Variants in MAST1 observed in about 807,000 individuals in gnomAD.
The protein encoded by MAST1 is microtubule-associated serine/threonine-protein kinase 1.
MAST1 carries 40 observed loss-of-function variants against 124.6 expected under a neutral mutation model. The observed-to-expected ratio is 0.32, with a 90% CI of 0.25 to 0.42. The LOEUF (loss-of-function observed/expected upper bound fraction) is 0.42. Among genes scored for constraint, MAST1 ranks in the 10% least tolerant of loss-of-function variants. The probability of loss-of-function intolerance (pLI) is 1.00; values close to 1 mark genes in which losing one functional copy is unlikely to be tolerated. For missense variants in MAST1, 1,558 were observed against 2,181.9 expected (o/e 0.71, Z 5.70); for synonymous variants, 938 against 939.4 (o/e 1.00, Z 0.03).
In MAST1 at chr19:12,843,884, C is replaced by T. The variant is rs1292863643; in HGVS notation, c.327+277C>T. ...GGCGTGGTGGTGCACACCTGTGGTC[C>T]CCACTATTTGGGAGGCTGAGACGGG... On this transcript the variant is annotated intron_variant, in intron 4 of 25. Transcript: ENST00000251472. The surrounding 1 kb of genome is among the most constrained non-coding windows in gnomAD (Gnocchi z 4.9). 2.6e-5 allele frequency among the ~76,000 whole-genome samples: 4 copies of T among 152,056 alleles called. No individual in the cohort carries two copies. Among genetic ancestry groups the T allele is most frequent in the African/African-American group, 4.8e-5 (2 of 41,396 alleles).
At chr19:12,839,697 A>G (rs1180282406) in intron 1 of MAST1, among the ~76,000 whole-genome samples, 1 of 152,212 alleles carries the variant, frequency 6.6e-6, no homozygotes, top group Non-Finnish European at 1.5e-5. Flanking sequence ...GAAGGACAGT[A>G]TCGGACACAG....
chr19:12,867,772 G>T lies in MAST1; in HGVS notation c.2361G>T (p.Glu787Asp), dbSNP rs1159441555. The change falls in exon 20 of 26, where the codon GAG becomes GAT. Residue 787 changes from glutamate to aspartate, a missense_variant. Physicochemically the swap from Glu to Asp is conservative, Grantham distance 45. Around this residue, in one of 10 missense-constraint regions of MAST1, gnomAD observed 287 missense variants for 308.0 expected, o/e 0.93. Coordinates refer to ENST00000251472, the MANE Select transcript of MAST1 (RefSeq NM_014975.3). ...CCGAGGCCAGTTTCCTGGAGGGAGA[G>T]GCCAGTCCCCCTTTGGGCGCCCGCC... ...SASEASFLEG[E>D]ASPPLGARRR... is the part of the protein sequence containing the mutation. 1.9e-6 allele frequency: 3 copies of T among 1,556,332 alleles called. No individual in the cohort carries two copies. In the African/African-American group the frequency reaches 4.1e-5, roughly 21 times the overall value.
intron 22 of MAST1, among the ~76,000 whole-genome samples, chr19:12,870,492 C>CAAAA (rs36022150): frequency 4.0e-5 from 3 of 75,840 alleles, no homozygotes; most frequent in African/African-American, 1.4e-4. Flanking sequence ...GACTCCGTCT[C>CAAAA]AAAAAAAAAA....
In MAST1 at chr19:12,873,491, C is replaced by T. The variant is rs780297948; in HGVS notation, c.3431C>T (p.Thr1144Met). ...ARSPTHSYRS[T>M]PDSAYLGASS... ...TCGCCCACGCACAGCTACCGCTCCA[C>T]GCCTGACTCCGCCTACCTAGGTATT... The change falls in exon 25 of 26, where the codon ACG (threonine) becomes ATG (methionine). Residue 1144 changes from threonine to methionine, a missense_variant. This residue lies in a region of MAST1 where 291 missense variants were observed against 475.8 expected (regional missense o/e 0.61). Transcript: ENST00000251472. 4 of 1,605,050 alleles carry T rather than the reference C, an allele frequency of 2.5e-6. No homozygotes were observed. Among genetic ancestry groups the T allele is most frequent in the Non-Finnish European group, 3.4e-6 (4 of 1,178,232 alleles).
At chr19:12,873,579 C>T (rs753333912) in intron 25 of MAST1, 30 bp from the exon 26 acceptor site, 2 of 1,578,942 alleles carry the variant, frequency 1.3e-6, no homozygotes, top group Non-Finnish European at 1.7e-6. Context: ...TTGGGCTGTA[C>T]TCACTCGCTT....
At position 12,841,010 on chromosome 19, in the gene MAST1, C is replaced by A; in HGVS notation, c.192C>A (p.Ser64Arg). The stretch of plus-strand genomic sequence containing the variant: ...TCATAGGCAGCAGTCCCCTGGACAG[C>A]CCCCGAAACTTCTCCCCCAACACCC... ...PGHLGSSPLDSPRNFSPNTPA... is the reference protein window; with the variant it reads ...PGHLGSSPLDRPRNFSPNTPA... Residue 64 changes from serine to arginine, a missense_variant, in exon 3 of 26, where the codon AGC becomes AGA. Ser to Arg is a moderately radical substitution (Grantham distance 110). Transcript: ENST00000251472. This position sits in a 1 kb window ranked among gnomAD's most constrained non-coding sequence, Gnocchi z 4.3. 2.2e-6 allele frequency: 3 copies of A among 1,384,978 alleles called. No individual in the cohort carries two copies. Among genetic ancestry groups the A allele is most frequent in the African/African-American group, 1.4e-5 (1 of 70,936 alleles). 85.8% of individuals were successfully genotyped at this position (1,384,978 alleles called of 1,614,324 possible).
At chr19:12,844,186 T>C (rs1033026914) in intron 4 of MAST1, among the ~76,000 whole-genome samples, 2 of 152,188 alleles carry the variant, frequency 1.3e-5, no homozygotes, top group African/African-American at 2.4e-5. Flanking sequence ...GACATAAGGC[T>C]CTGTGAGTTA....
chr19:12,867,169 G>A (rs1374472808), intron 18 of MAST1, among the ~76,000 whole-genome samples: 1 of 152,206 alleles, frequency 6.6e-6, no homozygotes, highest in African/African-American at 2.4e-5. Context: ...ACTTGTAGAG[G>A]CGTGCAGGGC....
chr19:12,841,393 C>T lies in MAST1; in HGVS notation c.248+327C>T, dbSNP rs1969826304. Among the ~76,000 whole-genome samples, 3 of 152,374 alleles carry T rather than the reference C, an allele frequency of 2.0e-5. No homozygotes were observed. The South Asian group carries it at 6.2e-4, about 32-fold the overall frequency. On this transcript the variant is annotated intron_variant, in intron 3 of 25. Coordinates refer to ENST00000251472, the MANE Select transcript of MAST1 (RefSeq NM_014975.3). This position sits in a 1 kb window ranked among gnomAD's most constrained non-coding sequence, Gnocchi z 4.3. ...TTTCCATAGCAACAGGACGGGGCAGCCAAGATGACGTGCGCAAGCGCAGAT... is the reference window on the plus strand; with the variant it reads ...TTTCCATAGCAACAGGACGGGGCAGTCAAGATGACGTGCGCAAGCGCAGAT...
At chr19:12,868,015 C>T in intron 20 of MAST1, 38 bp downstream of exon 20, 2 of 1,510,030 alleles carry the variant, frequency 1.3e-6, no homozygotes, top group Non-Finnish European at 1.8e-6. Flanking sequence ...CAATCTTCCC[C>T]AATGTCCTAC....
rs766694390 is a variant in MAST1, at chr19:12,852,233, G to A, written c.995G>A (p.Arg332His). The change falls in exon 9 of 26, where the codon CGT becomes CAT. Residue 332 changes from arginine to histidine, a missense_variant. Around this residue, in one of 10 missense-constraint regions of MAST1, gnomAD observed 136 missense variants for 160.9 expected, o/e 0.85. Transcript: ENST00000251472. ...ATCATCCGCCAGCTGGGCCTCACCCGTGACCCCTTTCCAGGTGCCGGCTGG... is the reference window on the plus strand; with the variant it reads ...ATCATCCGCCAGCTGGGCCTCACCCATGACCCCTTTCCAGGTGCCGGCTGG... ...RYIIRQLGLTRDPFPDVVHLE... is the reference protein window; with the variant it reads ...RYIIRQLGLTHDPFPDVVHLE... The A allele has an allele frequency of 5.0e-6, 8 of 1,613,916 alleles. No homozygotes were observed. Among genetic ancestry groups the A allele is most frequent in the South Asian group, 1.1e-5 (1 of 91,084 alleles).
intron 20 of MAST1, 73 bp downstream of exon 20, chr19:12,868,050 A>T: frequency 6.9e-7 from 1 of 1,441,222 alleles, no homozygotes; most frequent in South Asian, 1.5e-5. Context: ...GCATCCCACG[A>T]GCCTGGTGCT....
intron 7 of MAST1, among the ~76,000 whole-genome samples, chr19:12,850,411 C>A (rs937598020): frequency 4.6e-5 from 7 of 152,066 alleles, no homozygotes; most frequent in African/African-American, 1.7e-4. Flanking sequence ...AGACCAGGAC[C>A]AGGGTAAAGC....
At chr19:12,845,916 C>T (rs1263713071) in intron 4 of MAST1, among the ~76,000 whole-genome samples, 1 of 152,150 alleles carries the variant, frequency 6.6e-6, no homozygotes, top group African/African-American at 2.4e-5. Flanking sequence ...GCCTCAGCCT[C>T]CCAAAGTGCT....
Position 12,874,669 on chromosome 19 carries a change from C to T in MAST1, c.4512C>T (p.Ser1504=), listed in dbSNP as rs1287247371. ...PRSKPASPKL[S]PEPQTPSLAP... is the part of the protein sequence containing the mutation. ...CCAAGCCCGCCTCCCCAAAGCTCTCCCCGGAGCCCCAGACACCCTCCCTAG... is the reference window on the plus strand; with the variant it reads ...CCAAGCCCGCCTCCCCAAAGCTCTCTCCGGAGCCCCAGACACCCTCCCTAG... The change falls in exon 26 of 26, where the codon TCC becomes TCT. Residue 1504 remains serine (S), a synonymous_variant. Transcript: ENST00000251472. The surrounding 1 kb of genome is among the most constrained non-coding windows in gnomAD (Gnocchi z 6.6). 17 of 1,541,998 alleles carry T rather than the reference C, an allele frequency of 1.1e-5. No individual in the cohort carries two copies. Among genetic ancestry groups the T allele is most frequent in the Non-Finnish European group, 1.5e-5 (17 of 1,140,314 alleles).
rs1338686527 is a variant in MAST1, at chr19:12,847,250, C to T, written c.328-40C>T. On this transcript the variant is annotated intron_variant, in intron 4 of 25. Transcript: ENST00000251472. This position sits in a 1 kb window ranked among gnomAD's most constrained non-coding sequence, Gnocchi z 5.5. ...CTCAGGGTCCTGAGCTGTTGGGGGG[C>T]CCATGGTGGCTCTGACCCCGGCCCT... The T allele has an allele frequency of 7.0e-7, 1 of 1,429,828 alleles. No individual in the cohort carries two copies. The highest frequency in any genetic ancestry group is 9.8e-7 in the Non-Finnish European group (1 of 1,022,234). The allele number at this position is 1,429,828 out of a possible 1,614,324, so 88.6% of individuals were successfully genotyped here.
chr19:12,873,085 T>C (rs1478158203), intron 24 of MAST1, among the ~76,000 whole-genome samples: 1 of 151,890 alleles, frequency 6.6e-6, no homozygotes, highest in East Asian at 1.9e-4. Context: ...GTTGGTTTTG[T>C]TTGGATGCTT....
Position 12,874,110 on chromosome 19 carries a change from AG to A in MAST1, c.3956del (p.Gly1319AlafsTer20). 1 of 1,552,320 alleles carries A rather than the reference AG, an allele frequency of 6.4e-7. No homozygotes were observed. On this transcript the variant is annotated frameshift_variant, in exon 26 of 26. Coordinates refer to ENST00000251472, the MANE Select transcript of MAST1 (RefSeq NM_014975.3). LOFTEE classifies it low-confidence loss of function (END_TRUNC). This position sits in a 1 kb window ranked among gnomAD's most constrained non-coding sequence, Gnocchi z 6.6. ...AESDGETPPV[E>X]GLGAPRQVAV... ...TCCGACGGTGAGACGCCCCCAGTCGAGGGCCTTGGCGCGCCCCGGCAGGTCG... is the reference window on the plus strand; with the variant it reads ...TCCGACGGTGAGACGCCCCCAGTCGAGGCCTTGGCGCGCCCCGGCAGGTCG...
Position 12,874,508 on chromosome 19 carries a change from C to G in MAST1, c.4351C>G (p.Gln1451Glu), listed in dbSNP as rs775584782. 2 of 1,544,240 alleles carry G rather than the reference C, an allele frequency of 1.3e-6. No individual in the cohort carries two copies. Among genetic ancestry groups the G allele is most frequent in the Non-Finnish European group, 8.7e-7 (1 of 1,148,008 alleles). ...ARPGAKAVVP[Q>E]PLGADSKGLQ... Reference sequence around the variant, plus strand: ...GCCCGGGGCTAAGGCTGTGGTGCCTCAGCCTCTGGGCGCGGACTCCAAGGG... The same window carrying G: ...GCCCGGGGCTAAGGCTGTGGTGCCTGAGCCTCTGGGCGCGGACTCCAAGGG... The change falls in exon 26 of 26, where the codon CAG (glutamine) becomes GAG (glutamate). Residue 1451 changes from glutamine to glutamate, a missense_variant. Gln to Glu is a conservative substitution (Grantham distance 29, BLOSUM62 2). This residue lies in a region of MAST1 where 263 missense variants were observed against 310.9 expected (regional missense o/e 0.85). Transcript: ENST00000251472. This position sits in a 1 kb window ranked among gnomAD's most constrained non-coding sequence, Gnocchi z 6.6.
Sources: allele counts gnomAD v4.1 joint callset (sites outside exome capture counted in the v4.1 genomes callset), GRCh38; gene constraint gnomAD v4.1.1; regional missense constraint gnomAD v4.1.1; non-coding constraint Gnocchi (gnomAD v3.1); transcripts MANE v1.5; gene names NCBI Gene and HGNC (gene_info 2026-07-23, HGNC 2026-07-21).